The following MAP4K4 variants were observed in gnomAD, a reference collection of about 807,000 sequenced individuals.
The protein encoded by MAP4K4 is HPK/GCK-like kinase HGK.
Under a neutral mutation model 189.6 loss-of-function variants are expected in MAP4K4, and 38 were observed. The observed-to-expected ratio is 0.20, with a 90% CI of 0.15 to 0.26. The LOEUF (loss-of-function observed/expected upper bound fraction) is 0.26, where lower values mean the gene tolerates loss of function less well. MAP4K4 is among the 10% of genes least tolerant of loss of function. The pLI, the probability that MAP4K4 is intolerant of heterozygous loss-of-function variation, is 1.00. For missense variants in MAP4K4, 1,054 were observed against 1,726.9 expected (o/e 0.61, Z 6.91); for synonymous variants, 610 against 624.3 (o/e 0.98, Z 0.34).
At chr2:101,867,731 A>G (rs1045380305) in intron 20 of MAP4K4, 1 of 434,268 alleles carries the variant, frequency 2.3e-6, no homozygotes. Flanking sequence ...ACTGGCTTTT[A>G]GACTAAGTTT....
exon 33 of MAP4K4, chr2:101,891,415 A>T: frequency 1.7e-6 from 1 of 586,964 alleles, no homozygotes. Flanking sequence ...CCTCTTATAT[A>T]CCAGTTTATC....
At chr2:101,809,207 A>G (rs2095254165) in intron 3 of MAP4K4, among the ~76,000 whole-genome samples, 1 of 152,296 alleles carries the variant, frequency 6.6e-6, no homozygotes, top group South Asian at 2.1e-4. Context: ...TATAGCGCGT[A>G]TATATGTTAT....
intron 2 of MAP4K4, among the ~76,000 whole-genome samples, chr2:101,789,814 G>A (rs2092539369): frequency 6.6e-6 from 1 of 152,146 alleles, no homozygotes; most frequent in African/African-American, 2.4e-5. Flanking sequence ...AGTGGGTAGA[G>A]AGTAACAAGA....
chr2:101,729,241 T>G (rs896292340), intron 2 of MAP4K4, among the ~76,000 whole-genome samples: 8 of 88,414 alleles, frequency 9.0e-5, no homozygotes, highest in African/African-American at 1.8e-4. Flanking sequence ...TTATTTAATA[T>G]TATGCTTACA....
exon 33 of MAP4K4, chr2:101,892,881 T>C (rs1299315750): frequency 2.2e-6 from 1 of 456,458 alleles, no homozygotes; most frequent in African/African-American, 2.0e-5. Flanking sequence ...CAGGACTCCA[T>C]GTCACAGTCC....
chr2:101,829,573 G>T lies in MAP4K4; in HGVS notation c.487G>T (p.Glu163Ter). 1 of 1,610,692 alleles carries T rather than the reference G, an allele frequency of 6.2e-7. No homozygotes were observed. Among genetic ancestry groups the T allele is most frequent in the South Asian group, 1.1e-5 (1 of 90,118 alleles). The change falls in exon 6 of 33, where the codon GAG becomes TAG. Residue 163 changes from glutamate (E) to a stop codon, truncating the protein, a stop_gained. Transcript: ENST00000324219. LOFTEE classifies it high-confidence loss of function. ...CAAGGGCCAGAATGTGTTGCTGACT[G>T]AGAATGCAGAGGTGAAACTTGGTAT... is the stretch of plus-strand genomic sequence containing the variant.
chr2:101,746,018 T>G (rs1445157269), intron 2 of MAP4K4, among the ~76,000 whole-genome samples: 1 of 151,328 alleles, frequency 6.6e-6, no homozygotes, highest in Non-Finnish European at 1.5e-5. Flanking sequence ...TTTAAATAAG[T>G]TTCACTTTGT....
At chr2:101,834,917 G>A (rs1322425014) in intron 8 of MAP4K4, among the ~76,000 whole-genome samples, 1 of 152,026 alleles carries the variant, frequency 6.6e-6, no homozygotes, top group African/African-American at 2.4e-5. Context: ...TTCTCCATTG[G>A]ATTAATGAGA....
chr2:101,719,223 A>C (rs2050268615), intron 2 of MAP4K4, among the ~76,000 whole-genome samples: 1 of 152,178 alleles, frequency 6.6e-6, no homozygotes. Context: ...AAGGCAGTGC[A>C]GTGAAGTGCT....
At chr2:101,865,325 G>A (rs546333767) in intron 18 of MAP4K4, among the ~76,000 whole-genome samples, 2 of 152,342 alleles carry the variant, frequency 1.3e-5, no homozygotes, top group East Asian at 3.9e-4. Context: ...GAAGTTCTAA[G>A]AGAATTGTGA....
chr2:101,741,987 A>T (rs1574674316), intron 2 of MAP4K4, among the ~76,000 whole-genome samples: 1 of 152,130 alleles, frequency 6.6e-6, no homozygotes, highest in African/African-American at 2.4e-5. Flanking sequence ...GTGTGTTTGT[A>T]GATGGTTTAG....
intron 2 of MAP4K4, among the ~76,000 whole-genome samples, chr2:101,701,636 A>G (rs959245605): frequency 2.0e-5 from 3 of 152,190 alleles, no homozygotes; most frequent in Non-Finnish European, 4.4e-5. Flanking sequence ...ATCTTAAAAG[A>G]AGGAGGTGAA....
intron 2 of MAP4K4, among the ~76,000 whole-genome samples, chr2:101,699,513 G>A (rs1397768720): frequency 6.6e-6 from 1 of 152,202 alleles, no homozygotes; most frequent in East Asian, 1.9e-4. Flanking sequence ...CTGGGGGAGT[G>A]TTCTGTTAGA....
At chr2:101,825,569 A>G in intron 5 of MAP4K4, 140 bp downstream of exon 5, 4 of 486,598 alleles carry the variant, frequency 8.2e-6, no homozygotes, top group Non-Finnish European at 1.5e-5. Context: ...CTGTATATCT[A>G]GCTAGCTTTG....
At chr2:101,842,512 T>G (rs1242846394) in intron 10 of MAP4K4, 97 bp from the exon 11 acceptor site, 7 of 815,058 alleles carry the variant, frequency 8.6e-6, no homozygotes, top group Non-Finnish European at 1.1e-5. Context: ...AGGGAACTTG[T>G]TTATTTTCTG....
chr2:101,734,149 G>A (rs1312445843), intron 2 of MAP4K4, among the ~76,000 whole-genome samples: 2 of 152,136 alleles, frequency 1.3e-5, no homozygotes, highest in South Asian at 2.1e-4. Flanking sequence ...CCATTATACA[G>A]GGTATCATAC....
chr2:101,763,106 G>T (rs754542457), intron 2 of MAP4K4, among the ~76,000 whole-genome samples: 1 of 152,152 alleles, frequency 6.6e-6, no homozygotes, highest in Non-Finnish European at 1.5e-5. Flanking sequence ...CTGTGACCTC[G>T]GGCAATGCAC....
At chr2:101,698,003 C>T in exon 1 of MAP4K4, 4 of 1,012,092 alleles carry the variant, frequency 4.0e-6, no homozygotes, top group Admixed American at 3.0e-5. Context: ...GCGCGGTCGG[C>T]GGCCTGGTCT....
intron 2 of MAP4K4, among the ~76,000 whole-genome samples, chr2:101,768,552 T>C (rs1005048624): frequency 2.0e-5 from 3 of 152,248 alleles, no homozygotes; most frequent in African/African-American, 7.2e-5. Context: ...GTCTACTTTT[T>C]TTTCTGTTGC....
Sources: allele counts gnomAD v4.1 joint callset (sites outside exome capture counted in the v4.1 genomes callset), GRCh38; gene constraint gnomAD v4.1.1; transcripts MANE v1.5; gene names NCBI Gene and HGNC (gene_info 2026-07-23, HGNC 2026-07-21).